CNTNAP2: variants seen among roughly 807,000 people sequenced by gnomAD.
CNTNAP2 encodes contactin associated protein 2.
Under a neutral mutation model 155.2 loss-of-function variants are expected in CNTNAP2, and 98 were observed. The observed-to-expected ratio is 0.63, with a 90% confidence interval of 0.54 to 0.75. The LOEUF is 0.75. CNTNAP2 is among the 30% of genes least tolerant of loss of function. CNTNAP2 has a pLI of 0.00. For synonymous variants in CNTNAP2, 651 were observed against 631.2 expected (o/e 1.03, Z -0.47); for missense variants, 1,727 against 1,688.1 (o/e 1.02, Z -0.40).
At chr7:146,934,623 C>G (rs1796871429) in intron 3 of CNTNAP2, among the ~76,000 whole-genome samples, 1 of 151,976 alleles carries the variant, frequency 6.6e-6, no homozygotes, top group African/African-American at 2.4e-5. Flanking sequence ...TTGTTCAATT[C>G]AAATTTTCAA....
chr7:146,350,930 C>T (rs1190874763), intron 1 of CNTNAP2, among the ~76,000 whole-genome samples: 2 of 148,616 alleles, frequency 1.3e-5, no homozygotes, highest in African/African-American at 5.0e-5. Context: ...ATCGCAAGGA[C>T]AAAAAACCAA....
chr7:148,187,457 T>C (rs1050876620), intron 18 of CNTNAP2, among the ~76,000 whole-genome samples: 33 of 152,328 alleles, frequency 2.2e-4, no homozygotes, highest in African/African-American at 7.7e-4. Flanking sequence ...TACTGATTGA[T>C]GGTTGCTGAA....
chr7:146,773,749 CA>C (rs1256957543), intron 1 of CNTNAP2, among the ~76,000 whole-genome samples: 1 of 152,160 alleles, frequency 6.6e-6, no homozygotes, highest in Admixed American at 6.5e-5. Flanking sequence ...GATAAGTGTG[CA>C]ATATCATCTA....
intron 1 of CNTNAP2, among the ~76,000 whole-genome samples, chr7:146,457,244 A>G (rs1796567604): frequency 1.3e-5 from 2 of 151,710 alleles, no homozygotes; most frequent in Admixed American, 1.3e-4. Context: ...CATATTCTCA[A>G]CACTTCTGTG....
At chr7:146,836,314 T>A (rs976036471) in intron 2 of CNTNAP2, among the ~76,000 whole-genome samples, 1 of 152,180 alleles carries the variant, frequency 6.6e-6, no homozygotes, top group Non-Finnish European at 1.5e-5. Flanking sequence ...AGCTACAAGC[T>A]TTTGTTAATA....
chr7:147,868,950 A>G (rs1585001290), intron 13 of CNTNAP2, among the ~76,000 whole-genome samples: 1 of 152,186 alleles, frequency 6.6e-6, no homozygotes, highest in Non-Finnish European at 1.5e-5. Flanking sequence ...CGCCTGCCCT[A>G]CTTCAGCTCA....
chr7:147,918,001 C>T (rs1800191782), intron 14 of CNTNAP2, among the ~76,000 whole-genome samples: 1 of 152,218 alleles, frequency 6.6e-6, no homozygotes, highest in Non-Finnish European at 1.5e-5. Context: ...AGAACCAGCG[C>T]CAGTGCTGCT....
intron 3 of CNTNAP2, among the ~76,000 whole-genome samples, chr7:146,880,085 C>T (rs1795512369): frequency 6.6e-6 from 1 of 152,046 alleles, no homozygotes; most frequent in Admixed American, 6.6e-5. Flanking sequence ...TCCCACAACA[C>T]ATGGGAATTA....
At chr7:147,325,336 T>C (rs1053157860) in intron 9 of CNTNAP2, among the ~76,000 whole-genome samples, 17 of 152,166 alleles carry the variant, frequency 1.1e-4, no homozygotes, top group African/African-American at 4.1e-4. Flanking sequence ...AATTAGAGTA[T>C]TTAAAACTAA....
chr7:147,323,778 A>G (rs1023821098), intron 9 of CNTNAP2, among the ~76,000 whole-genome samples: 1 of 152,214 alleles, frequency 6.6e-6, no homozygotes, highest in Non-Finnish European at 1.5e-5. Flanking sequence ...TATTTAGAGT[A>G]GTAAAATTAG....
chr7:146,991,778 C>A (rs1027022454), intron 3 of CNTNAP2, among the ~76,000 whole-genome samples: 1 of 152,076 alleles, frequency 6.6e-6, no homozygotes, highest in African/African-American at 2.4e-5. Context: ...AAACTCAACA[C>A]GATCATTTTT....
chr7:147,921,255 C>T (rs1289229567), intron 14 of CNTNAP2, among the ~76,000 whole-genome samples: 1 of 152,174 alleles, frequency 6.6e-6, no homozygotes, highest in Non-Finnish European at 1.5e-5. Flanking sequence ...TGGCAGACGC[C>T]ATTTGCCTGC....
chr7:146,264,076 A>G (rs1799959185), intron 1 of CNTNAP2, among the ~76,000 whole-genome samples: 1 of 152,184 alleles, frequency 6.6e-6, no homozygotes, highest in South Asian at 2.1e-4. Context: ...GTAAGTTAGA[A>G]AGTGATTTCA....
At chr7:147,804,739 A>G (rs1798063278) in intron 13 of CNTNAP2, among the ~76,000 whole-genome samples, 1 of 151,924 alleles carries the variant, frequency 6.6e-6, no homozygotes, top group African/African-American at 2.4e-5. Flanking sequence ...TTTTTAGTAG[A>G]GATGGCGTTT....
At chr7:146,984,451 ATTT>A (rs769297836) in intron 3 of CNTNAP2, among the ~76,000 whole-genome samples, 2 of 138,066 alleles carry the variant, frequency 1.4e-5, no homozygotes, top group Non-Finnish European at 3.2e-5. Flanking sequence ...TTTTCACTTT[ATTT>A]TTTTTTCTCT....
intron 3 of CNTNAP2, among the ~76,000 whole-genome samples, chr7:146,863,094 T>C (rs1275902195): frequency 6.6e-6 from 1 of 152,142 alleles, no homozygotes; most frequent in African/African-American, 2.4e-5. Context: ...ATTTGATAAC[T>C]TAAAAACTCC....
intron 9 of CNTNAP2, among the ~76,000 whole-genome samples, chr7:147,326,061 G>T (rs117165113): frequency 3.3e-5 from 5 of 149,644 alleles, no homozygotes; most frequent in Admixed American, 6.6e-5. Context: ...TAGCTGGGAC[G>T]ACAAGCGCAC....
chr7:147,416,433 T>C (rs1797195059), intron 10 of CNTNAP2, among the ~76,000 whole-genome samples: 1 of 152,158 alleles, frequency 6.6e-6, no homozygotes, highest in Admixed American at 6.5e-5. Flanking sequence ...TTTTTGTGAG[T>C]GCAGACTTAG....
intron 4 of CNTNAP2, among the ~76,000 whole-genome samples, chr7:147,068,700 C>T (rs1227533168): frequency 6.6e-6 from 1 of 152,186 alleles, no homozygotes; most frequent in African/African-American, 2.4e-5. Flanking sequence ...GAGGCTATCT[C>T]CAATAGTCTA....
Sources: allele counts gnomAD v4.1 joint callset (sites outside exome capture counted in the v4.1 genomes callset), GRCh38; gene constraint gnomAD v4.1.1; transcripts MANE v1.5; gene names NCBI Gene and HGNC (gene_info 2026-07-23, HGNC 2026-07-21).